Variants in TAOK1 observed in about 807,000 individuals in gnomAD.
TAOK1 encodes serine/threonine-protein kinase TAO1.
A neutral mutation model predicts 138.3 loss-of-function variants in TAOK1; 21 were observed. The observed-to-expected ratio is 0.15, with a 90% CI of 0.11 to 0.22. The LOEUF (loss-of-function observed/expected upper bound fraction) is 0.22, where lower values mean the gene tolerates loss of function less well. Ranked by LOEUF, TAOK1 falls within the 10% of genes least tolerant of loss-of-function variation. The probability of loss-of-function intolerance (pLI) is 1.00; values close to 1 mark genes in which losing one functional copy is unlikely to be tolerated. For synonymous variants in TAOK1, 361 were observed against 398.4 expected, an observed-to-expected ratio of 0.91 and a Z score of 1.12; for missense variants, 651 against 1,227.7, an observed-to-expected ratio of 0.53 and a Z score of 7.02.
intron 3 of TAOK1, among the ~76,000 whole-genome samples, chr17:29,472,161 G>A (rs1262432195): frequency 6.6e-6 from 1 of 151,980 alleles, no homozygotes; most frequent in Non-Finnish European, 1.5e-5. Flanking sequence ...CGTTCTTAAT[G>A]GCATCTAGAA....
chr17:29,402,129 A>G (rs1904863570), intron 1 of TAOK1, among the ~76,000 whole-genome samples: 1 of 152,104 alleles, frequency 6.6e-6, no homozygotes, highest in Non-Finnish European at 1.5e-5. Flanking sequence ...TTCAAAGCTT[A>G]GGAGATAGCA....
intron 13 of TAOK1, among the ~76,000 whole-genome samples, chr17:29,504,987 TG>T (rs1475647774): frequency 6.6e-6 from 1 of 152,196 alleles, no homozygotes; most frequent in Non-Finnish European, 1.5e-5. Context: ...ATAAGTTAAA[TG>T]TTTCCCAAGA....
Position 29,451,602 on chromosome 17 carries a change from C to G in TAOK1, c.54C>G (p.Leu18=). The change falls in exon 2 of 20, where the codon CTC becomes CTG. Residue 18 remains leucine (L), a synonymous_variant. Transcript: ENST00000261716. ...TGAAGGACCCTGAAATTGCAGAGCT[C>G]TTCTTCAAAGAAGATCCAGAGAAGC... ...GSLKDPEIAE[L]FFKEDPEKLF... The G allele has an allele frequency of 6.2e-7, 1 of 1,613,964 alleles. No individual in the cohort carries two copies. The highest frequency in any genetic ancestry group is 8.5e-7 in the Non-Finnish European group (1 of 1,179,946).
chr17:29,513,231 A>G (rs2031756625), intron 15 of TAOK1: 1 of 152,030 alleles, frequency 6.6e-6, no homozygotes, highest in Non-Finnish European at 1.5e-5. Context: ...TTGTGTACCT[A>G]TTGGTGGCAC....
At chr17:29,432,579 C>G (rs1230877354) in intron 1 of TAOK1, among the ~76,000 whole-genome samples, 3 of 152,226 alleles carry the variant, frequency 2.0e-5, no homozygotes, top group African/African-American at 7.2e-5. Context: ...ATCCACCCAT[C>G]TCGGCCTCCC....
At chr17:29,525,197 C>T (rs1039291848) in intron 17 of TAOK1, among the ~76,000 whole-genome samples, 9 of 152,236 alleles carry the variant, frequency 5.9e-5, no homozygotes, top group African/African-American at 2.2e-4. Context: ...ACCACAACCT[C>T]CGCCTCCCGG....
intron 18 of TAOK1, among the ~76,000 whole-genome samples, chr17:29,533,613 C>T (rs1384878887): frequency 6.6e-6 from 1 of 151,930 alleles, no homozygotes; most frequent in Non-Finnish European, 1.5e-5. Context: ...CGGAGGCTGG[C>T]GGATCACTTG....
intron 1 of TAOK1, among the ~76,000 whole-genome samples, chr17:29,411,201 C>T (rs1905135402): frequency 6.8e-6 from 1 of 147,022 alleles, no homozygotes; most frequent in African/African-American, 2.5e-5. Context: ...ACGCCATTCT[C>T]CTGCCTCAGC....
At chr17:29,505,990 G>A (rs2031623571) in intron 13 of TAOK1, among the ~76,000 whole-genome samples, 1 of 152,192 alleles carries the variant, frequency 6.6e-6, no homozygotes, top group Admixed American at 6.5e-5. Flanking sequence ...TTGGCAAAAA[G>A]GGGAACTGTT....
chr17:29,534,086 C>CTT, intron 18 of TAOK1, 32 bp from the exon 19 acceptor site: 10 of 1,454,858 alleles, frequency 6.9e-6, no homozygotes, highest in South Asian at 2.7e-5. Context: ...TAGGATATAT[C>CTT]TTTTTTTTTT....
At chr17:29,491,443 A>G (rs1255782928) in intron 9 of TAOK1, among the ~76,000 whole-genome samples, 1 of 152,174 alleles carries the variant, frequency 6.6e-6, no homozygotes, top group African/African-American at 2.4e-5. Context: ...GCTTAGCAAA[A>G]AGGAAAATAG....
intron 1 of TAOK1, among the ~76,000 whole-genome samples, chr17:29,449,345 A>G (rs2030174952): frequency 6.6e-6 from 1 of 152,186 alleles, no homozygotes; most frequent in South Asian, 2.1e-4. Context: ...GTAAAAGTAT[A>G]TGGGGCAGCC....
rs2032473245 is a variant in TAOK1, at chr17:29,550,559, A to G, written c.*7537A>G. 1.3e-5 allele frequency: 2 copies of G among 152,358 alleles called. No homozygotes were observed. The highest frequency in any genetic ancestry group is 4.1e-4 in the South Asian group (2 of 4,826). The allele number at this position is 152,358 out of a possible 1,614,324, so 9.4% of individuals were successfully genotyped here. ...ACTATGAGAAATATGTATAGTGTAT[A>G]TTTTAAAACAGCTTTGCTTGTATTG... On this transcript the variant is annotated 3_prime_UTR_variant, in exon 20 of 20. Transcript: ENST00000261716.
At chr17:29,441,040 T>G (rs2029927853) in intron 1 of TAOK1, among the ~76,000 whole-genome samples, 1 of 152,224 alleles carries the variant, frequency 6.6e-6, no homozygotes, top group Admixed American at 6.5e-5. Flanking sequence ...TAAGTGCCAC[T>G]TAATCATAAT....
chr17:29,497,137 GT>G (rs1216333435), intron 11 of TAOK1, among the ~76,000 whole-genome samples: 1 of 151,594 alleles, frequency 6.6e-6, no homozygotes. Context: ...TAAATATTTT[GT>G]TTCTTCTTTG....
At chr17:29,495,819 C>A in intron 11 of TAOK1, 92 bp downstream of exon 11, 5 of 1,127,298 alleles carry the variant, frequency 4.4e-6, no homozygotes, top group Non-Finnish European at 5.9e-6. Context: ...CCTTATATAC[C>A]AAGGGTTTCC....
At chr17:29,429,597 T>A (rs566121070) in intron 1 of TAOK1, among the ~76,000 whole-genome samples, 1 of 152,270 alleles carries the variant, frequency 6.6e-6, no homozygotes, top group Non-Finnish European at 1.5e-5. Context: ...GTTAACATTT[T>A]AAATAACCAT....
rs1241801073 is a variant in TAOK1 at position 29,545,463 on chromosome 17, T to C, written c.*2441T>C. On this transcript the variant is annotated 3_prime_UTR_variant, in exon 20 of 20. Transcript: ENST00000261716. ...TTGGTGGTACATTTTAAAGTCCAAT[T>C]GTGGACTTAAATTAGTCAAATTGAG... The C allele has an allele frequency of 6.6e-6, 1 of 152,204 alleles. No homozygotes were observed. Among genetic ancestry groups the C allele is most frequent in the African/African-American group, 2.4e-5 (1 of 41,450 alleles). The allele number at this position is 152,204 out of a possible 1,614,324, so 9.4% of individuals were successfully genotyped here.
In TAOK1 at chr17:29,484,076, T is replaced by C. The variant is rs547366932; in HGVS notation, c.655+1788T>C. ...TTAGAAGGTATTTGTTGGCTCATTG[T>C]TGTGCTTAGAACAAAATCTACCTAA... On this transcript the variant is annotated intron_variant, in intron 8 of 19. Coordinates refer to ENST00000261716, the MANE Select transcript of TAOK1 (RefSeq NM_020791.4). 4.6e-5 allele frequency among the ~76,000 whole-genome samples: 7 copies of C among 152,332 alleles called. No individual in the cohort carries two copies. The East Asian group carries it at 5.8e-4, about 13-fold the overall frequency.
Sources: gnomAD v4.1 joint callset for allele counts (sites outside exome capture counted in the v4.1 genomes callset) on GRCh38, gnomAD v4.1.1 for gene constraint, MANE v1.5 for transcripts, NCBI Gene and HGNC (gene_info 2026-07-23, HGNC 2026-07-21) for gene names.